KDM4C: variants seen among roughly 807,000 people sequenced by gnomAD.
KDM4C encodes lysine demethylase 4C.
KDM4C carries 81 observed loss-of-function variants against 129.3 expected under a neutral mutation model. The observed-to-expected ratio is 0.63, with a 90% confidence interval of 0.52 to 0.75. KDM4C has a LOEUF of 0.75. Among genes scored for constraint, KDM4C ranks in the 30% least tolerant of loss-of-function variants. The pLI is 0.00. For synonymous variants in KDM4C, 573 were observed against 456.1 expected, an observed-to-expected ratio of 1.26 and a Z score of -3.26; for missense variants, 1,457 against 1,304.0, an observed-to-expected ratio of 1.12 and a Z score of -1.81.
intron 8 of KDM4C, among the ~76,000 whole-genome samples, chr9:6,932,205 A>G (rs1342090103): frequency 6.6e-6 from 1 of 152,192 alleles, no homozygotes; most frequent in Non-Finnish European, 1.5e-5. Context: ...GTGTAGCTCC[A>G]CATGAGCTGT....
At position 6,792,959 on chromosome 9, in the gene KDM4C, G is replaced by A. The variant is rs1564016259; in HGVS notation, c.-17-13G>A. The A allele has an allele frequency of 2.5e-6, 4 of 1,613,578 alleles. No homozygotes were observed. Among genetic ancestry groups the A allele is most frequent in the Non-Finnish European group, 1.7e-6 (2 of 1,179,758 alleles). Reference sequence around the variant, plus strand: ...ATAATTCAGTTCTGTTGACCCTACTGTCTTCTCTCCAGACACTGCCCTAAC... The same window carrying A: ...ATAATTCAGTTCTGTTGACCCTACTATCTTCTCTCCAGACACTGCCCTAAC... On this transcript the variant is annotated splice_polypyrimidine_tract_variant and intron_variant, in intron 1 of 21. Transcript: ENST00000381309.
intron 2 of KDM4C, among the ~76,000 whole-genome samples, chr9:6,799,642 CTTTTTT>C (rs1052629844): frequency 8.2e-6 from 1 of 121,510 alleles, no homozygotes; most frequent in Non-Finnish European, 1.8e-5. Flanking sequence ...TTTTTCTTTT[CTTTTTT>C]TTTTTTTTTT....
intron 8 of KDM4C, among the ~76,000 whole-genome samples, chr9:6,960,883 A>T (rs1167577029): frequency 2.0e-5 from 3 of 152,146 alleles, no homozygotes; most frequent in East Asian, 1.9e-4. Flanking sequence ...GTTGAGAACC[A>T]CTAGGCTAGT....
chr9:7,021,116 A>G (rs1563996036), intron 15 of KDM4C, among the ~76,000 whole-genome samples: 1 of 130,648 alleles, frequency 7.7e-6, no homozygotes, highest in Non-Finnish European at 1.6e-5. Context: ...ACATACATAT[A>G]TATATGTGTG....
At chr9:7,082,434 G>T (rs771033966) in intron 17 of KDM4C, among the ~76,000 whole-genome samples, 1 of 152,200 alleles carries the variant, frequency 6.6e-6, no homozygotes, top group Non-Finnish European at 1.5e-5. Context: ...TAAGAATGAT[G>T]CCACAAACCA....
chr9:6,854,879 CTT>C (rs1342569777), intron 5 of KDM4C, among the ~76,000 whole-genome samples: 1 of 152,144 alleles, frequency 6.6e-6, no homozygotes, highest in African/African-American at 2.4e-5. Context: ...TTGCAAAACT[CTT>C]TACTCTTTAC....
intron 4 of KDM4C, among the ~76,000 whole-genome samples, chr9:6,840,284 GC>G (rs1469243961): frequency 6.6e-6 from 1 of 151,944 alleles, no homozygotes; most frequent in Non-Finnish European, 1.5e-5. Context: ...TGTTGTCCTG[GC>G]TAGTCTTGAA....
chr9:7,010,645 C>T (rs1822512932), intron 12 of KDM4C, among the ~76,000 whole-genome samples: 1 of 152,202 alleles, frequency 6.6e-6, no homozygotes, highest in Non-Finnish European at 1.5e-5. Flanking sequence ...ATGTACTGCC[C>T]TCTGCTATAG....
intron 4 of KDM4C, among the ~76,000 whole-genome samples, chr9:6,844,487 C>T (rs546665244): frequency 1.3e-5 from 2 of 152,254 alleles, no homozygotes; most frequent in East Asian, 1.9e-4. Flanking sequence ...TATGTTGTCC[C>T]ACACAGCACT....
intron 2 of KDM4C, among the ~76,000 whole-genome samples, chr9:6,798,168 G>A (rs182155103): frequency 1.3e-5 from 2 of 151,948 alleles, no homozygotes; most frequent in Non-Finnish European, 2.9e-5. Flanking sequence ...TTGGATTTTT[G>A]TAAGTTTATT....
intron 8 of KDM4C, among the ~76,000 whole-genome samples, chr9:6,957,654 C>G (rs1829309183): frequency 1.3e-5 from 2 of 152,048 alleles, no homozygotes; most frequent in African/African-American, 4.8e-5. Context: ...ATTGGTTGCA[C>G]AATTGTGTTG....
At chr9:6,746,262 G>GTT (rs778939269) in intron 1 of KDM4C, among the ~76,000 whole-genome samples, 116 of 61,180 alleles carry the variant, frequency 1.9e-3, no homozygotes, top group East Asian at 3.7e-3. Context: ...ATATATATAT[G>GTT]TTTTTTTTTT....
At chr9:6,949,051 A>G (rs1429595152) in intron 8 of KDM4C, among the ~76,000 whole-genome samples, 3 of 129,222 alleles carry the variant, frequency 2.3e-5, no homozygotes, top group Non-Finnish European at 5.0e-5. Context: ...ACTTCCCAGA[A>G]GGGGCGGCTG....
intron 19 of KDM4C, among the ~76,000 whole-genome samples, chr9:7,158,485 C>T (rs1843432124): frequency 6.6e-6 from 1 of 152,132 alleles, no homozygotes; most frequent in Admixed American, 6.5e-5. Context: ...GCATTTAGTG[C>T]TATAAATTAC....
chr9:7,165,429 G>T, intron 20 of KDM4C, 72 bp downstream of exon 20: 2 of 1,525,578 alleles, frequency 1.3e-6, no homozygotes, highest in Non-Finnish European at 1.8e-6. Flanking sequence ...TATCTCAAGT[G>T]TGCTGCTGAA....
chr9:6,823,828 T>C (rs1451030723), intron 4 of KDM4C, among the ~76,000 whole-genome samples: 2 of 152,228 alleles, frequency 1.3e-5, no homozygotes, highest in Non-Finnish European at 2.9e-5. Flanking sequence ...ATGGGCCTCC[T>C]TCCTTCAGTA....
intron 15 of KDM4C, among the ~76,000 whole-genome samples, chr9:7,042,655 G>A (rs1828786067): frequency 6.6e-6 from 1 of 152,032 alleles, no homozygotes; most frequent in Admixed American, 6.6e-5. Context: ...AGTACATACA[G>A]GAACTTTCTT....
At chr9:6,872,231 A>G (rs1842907962) in intron 5 of KDM4C, among the ~76,000 whole-genome samples, 1 of 152,190 alleles carries the variant, frequency 6.6e-6, no homozygotes, top group Non-Finnish European at 1.5e-5. Context: ...AGTCTAGCTG[A>G]AGGCTGATAA....
intron 5 of KDM4C, among the ~76,000 whole-genome samples, chr9:6,866,127 C>T (rs932222845): frequency 6.6e-6 from 1 of 152,090 alleles, no homozygotes; most frequent in Non-Finnish European, 1.5e-5. Context: ...TCAGGTGATC[C>T]ACCTGCCTTG....
Sources: gnomAD v4.1 joint callset for allele counts (sites outside exome capture counted in the v4.1 genomes callset) on GRCh38, gnomAD v4.1.1 for gene constraint, MANE v1.5 for transcripts, NCBI Gene and HGNC (gene_info 2026-07-23, HGNC 2026-07-21) for gene names.